The following MBD5 variants were observed in gnomAD, a reference collection of about 807,000 sequenced individuals.
MBD5 encodes methyl-CpG-binding domain protein 5.
MBD5 carries 13 observed loss-of-function variants against 117.3 expected under a neutral mutation model. The observed-to-expected ratio is 0.11, with a 90% confidence interval of 0.07 to 0.18. The LOEUF (loss-of-function observed/expected upper bound fraction) is 0.18. Among genes scored for constraint, MBD5 ranks in the 10% least tolerant of loss-of-function variants. The pLI is 1.00. For synonymous variants in MBD5, 727 were observed against 766.4 expected (o/e 0.95, Z 0.85); for missense variants, 1,879 against 2,093.8 (o/e 0.90, Z 2.00).
chr2:148,299,142 T>A (rs538547959), intron 3 of MBD5, among the ~76,000 whole-genome samples: 2 of 152,210 alleles, frequency 1.3e-5, no homozygotes, highest in Admixed American at 6.5e-5. Context: ...TTCTTTTTTT[T>A]TTTTGAAACA....
At chr2:148,076,764 T>C (rs1232994517) in intron 1 of MBD5, among the ~76,000 whole-genome samples, 2 of 152,210 alleles carry the variant, frequency 1.3e-5, no homozygotes, top group Admixed American at 1.3e-4. Context: ...TCATCAAATA[T>C]TTATTAAGTA....
chr2:148,445,273 C>T (rs2105430641), intron 4 of MBD5, among the ~76,000 whole-genome samples: 1 of 151,254 alleles, frequency 6.6e-6, no homozygotes, highest in African/African-American at 2.5e-5. Flanking sequence ...TCTCCTAATG[C>T]TATCCCTCCC....
intron 3 of MBD5, among the ~76,000 whole-genome samples, chr2:148,321,207 C>T (rs1384931400): frequency 3.9e-5 from 6 of 151,918 alleles, no homozygotes; most frequent in African/African-American, 1.5e-4. Flanking sequence ...TTATTATAGA[C>T]CAAGGGTGTC....
chr2:148,351,834 A>G (rs1703256797), intron 4 of MBD5, among the ~76,000 whole-genome samples: 1 of 151,990 alleles, frequency 6.6e-6, no homozygotes, highest in Non-Finnish European at 1.5e-5. Context: ...GCTTCTCTCT[A>G]CCCTTCATGT....
intron 1 of MBD5, among the ~76,000 whole-genome samples, chr2:148,101,540 T>A (rs929373372): frequency 1.3e-5 from 2 of 152,220 alleles, no homozygotes; most frequent in African/African-American, 4.8e-5. Context: ...CTACTGCTTA[T>A]GTGTTGTCAC....
At chr2:148,032,044 T>C (rs1222335257) in intron 1 of MBD5, among the ~76,000 whole-genome samples, 1 of 152,168 alleles carries the variant, frequency 6.6e-6, no homozygotes, top group Non-Finnish European at 1.5e-5. Flanking sequence ...TTTTTATTTC[T>C]TCTGAAAGTT....
chr2:148,106,728 A>C (rs1013615662), intron 1 of MBD5, among the ~76,000 whole-genome samples: 2 of 151,960 alleles, frequency 1.3e-5, no homozygotes, highest in Non-Finnish European at 2.9e-5. Flanking sequence ...GTGGTTACTC[A>C]AGAAATGGTA....
chr2:148,502,512 A>G lies in MBD5; in HGVS notation c.5036+3A>G. ...CGTGTCCGGAAAAGGAACAGAAAGT[A>G]AGCACTTTTCCAAAATTTTACTTTG... On this transcript the variant is annotated splice_donor_region_variant and intron_variant, in intron 12 of 13. Coordinates refer to ENST00000642680, the MANE Select transcript of MBD5 (RefSeq NM_001378120.1). 2 of 1,613,832 alleles carry G rather than the reference A, an allele frequency of 1.2e-6. No individual in the cohort carries two copies. Among genetic ancestry groups the G allele is most frequent in the Non-Finnish European group, 1.7e-6 (2 of 1,179,796 alleles).
chr2:148,104,243 C>T (rs1257816914), intron 1 of MBD5, among the ~76,000 whole-genome samples: 2 of 152,012 alleles, frequency 1.3e-5, no homozygotes, highest in African/African-American at 2.4e-5. Flanking sequence ...CATCTTGTAT[C>T]CTTAGCAGCT....
Position 148,470,352 on chromosome 2 carries a change from A to G in MBD5, c.2409A>G (p.Leu803=). ...TGCTCAGTCAGTCGGGCATGGCTTT[A>G]GGAAATTCCTTACATCCCAATCCAC... ...CGMLSQSGMA[L]GNSLHPNPPQ... The change falls in exon 8 of 14, where the codon TTA becomes TTG. Residue 803 remains leucine (L), a synonymous_variant. Coordinates refer to ENST00000642680, the MANE Select transcript of MBD5 (RefSeq NM_001378120.1). The G allele has an allele frequency of 6.2e-7, 1 of 1,613,898 alleles. No homozygotes were observed. The highest frequency in any genetic ancestry group is 8.5e-7 in the Non-Finnish European group (1 of 1,179,862).
intron 4 of MBD5, among the ~76,000 whole-genome samples, chr2:148,450,515 A>C (rs1390001285): frequency 6.6e-6 from 1 of 152,126 alleles, no homozygotes; most frequent in Non-Finnish European, 1.5e-5. Context: ...ATTTACTTAC[A>C]AGTCTAGGGC....
chr2:148,033,530 G>A (rs568287474), intron 1 of MBD5, among the ~76,000 whole-genome samples: 1 of 152,188 alleles, frequency 6.6e-6, no homozygotes, highest in African/African-American at 2.4e-5. Flanking sequence ...TCTGTATTAA[G>A]TAATTAACAA....
intron 3 of MBD5, among the ~76,000 whole-genome samples, chr2:148,283,687 T>C (rs2106393280): frequency 6.6e-6 from 1 of 152,232 alleles, no homozygotes; most frequent in South Asian, 2.1e-4. Flanking sequence ...CCAATACAGT[T>C]TTCTCCTCCT....
chr2:148,260,342 C>T (rs1215921688), intron 3 of MBD5, among the ~76,000 whole-genome samples: 2 of 152,212 alleles, frequency 1.3e-5, no homozygotes, highest in Non-Finnish European at 2.9e-5. Context: ...GAAGCAACTG[C>T]TCATCCGTTC....
chr2:148,126,232 C>T (rs1410712129), intron 1 of MBD5, among the ~76,000 whole-genome samples: 1 of 119,428 alleles, frequency 8.4e-6, no homozygotes, highest in African/African-American at 3.1e-5. Context: ...CTCGTTTCTA[C>T]TAAAAATAAA....
At chr2:148,464,379 A>T (rs906583117) in intron 7 of MBD5, among the ~76,000 whole-genome samples, 2 of 152,134 alleles carry the variant, frequency 1.3e-5, no homozygotes, top group African/African-American at 4.8e-5. Context: ...ACACGCATGC[A>T]TGGGGGCTTT....
intron 4 of MBD5, among the ~76,000 whole-genome samples, chr2:148,363,893 G>A (rs1234017854): frequency 6.6e-6 from 1 of 152,170 alleles, no homozygotes; most frequent in Admixed American, 6.5e-5. Context: ...AAGTGACGGG[G>A]AGAATGGAAC....
chr2:148,436,639 TGA>T (rs1490974038), intron 4 of MBD5, among the ~76,000 whole-genome samples: 2 of 152,222 alleles, frequency 1.3e-5, no homozygotes, highest in Non-Finnish European at 2.9e-5. Flanking sequence ...CCCAAAGTGC[TGA>T]GATTACAGGC....
intron 4 of MBD5, among the ~76,000 whole-genome samples, chr2:148,377,379 T>C (rs1376298132): frequency 6.6e-6 from 1 of 152,152 alleles, no homozygotes; most frequent in Non-Finnish European, 1.5e-5. Context: ...TTAATCTCCT[T>C]TGGCAACACC....
Sources: allele counts gnomAD v4.1 joint callset (sites outside exome capture counted in the v4.1 genomes callset), GRCh38; gene constraint gnomAD v4.1.1; transcripts MANE v1.5; gene names NCBI Gene and HGNC (gene_info 2026-07-23, HGNC 2026-07-21).